The following PLCB1 variants were observed in gnomAD, a reference collection of about 807,000 sequenced individuals.
PLCB1 encodes the protein 1-phosphatidylinositol 4,5-bisphosphate phosphodiesterase beta-1.
A neutral mutation model predicts 161.8 loss-of-function variants in PLCB1; 46 were observed. The ratio of observed to expected loss-of-function variants is 0.28; its 90% CI spans 0.22 to 0.36. The LOEUF (loss-of-function observed/expected upper bound fraction) is 0.36, where lower values mean the gene tolerates loss of function less well. PLCB1 is among the 10% of genes least tolerant of loss of function. PLCB1 has a pLI of 1.00. For synonymous variants in PLCB1, 517 were observed against 503.7 expected (o/e 1.03, Z -0.35); for missense variants, 1,016 against 1,472.5 (o/e 0.69, Z 5.07).
At chr20:8,718,087 G>A (rs867917165) in intron 14 of PLCB1, among the ~76,000 whole-genome samples, 9 of 151,994 alleles carry the variant, frequency 5.9e-5, no homozygotes, top group Admixed American at 3.3e-4. Flanking sequence ...GGGCATAGTG[G>A]CACGTACCTG....
chr20:8,591,482 A>C (rs569104800), intron 3 of PLCB1, among the ~76,000 whole-genome samples: 2 of 152,240 alleles, frequency 1.3e-5, no homozygotes, highest in Non-Finnish European at 2.9e-5. Flanking sequence ...TAAGATTCCA[A>C]TTTAGAAGCT....
At chr20:8,176,483 G>A (rs2051785166) in intron 2 of PLCB1, among the ~76,000 whole-genome samples, 1 of 152,186 alleles carries the variant, frequency 6.6e-6, no homozygotes, top group African/African-American at 2.4e-5. Context: ...TTAGGCACAG[G>A]CGTAGGCAGG....
intron 3 of PLCB1, among the ~76,000 whole-genome samples, chr20:8,525,256 CA>C (rs11087804): frequency 0.56 from 81,750 of 146,728 alleles, 23,414 homozygotes; most frequent in African/African-American, 0.72. Flanking sequence ...TATATATAGC[CA>C]AAAAAAAAAA....
intron 3 of PLCB1, among the ~76,000 whole-genome samples, chr20:8,381,751 C>A (rs1279003249): frequency 1.3e-5 from 2 of 152,192 alleles, no homozygotes; most frequent in African/African-American, 4.8e-5. Flanking sequence ...ATAGTATTCT[C>A]TGATGGTAGT....
chr20:8,202,526 T>G (rs1402552695), intron 2 of PLCB1, among the ~76,000 whole-genome samples: 1 of 152,274 alleles, frequency 6.6e-6, no homozygotes, highest in Non-Finnish European at 1.5e-5. Context: ...TATCTATCTT[T>G]CTGTGGATAT....
chr20:8,373,576 G>T (rs898725331), intron 3 of PLCB1, among the ~76,000 whole-genome samples: 3 of 152,168 alleles, frequency 2.0e-5, no homozygotes, highest in East Asian at 3.9e-4. Context: ...TACAGGTGTG[G>T]TGTGGGCATG....
At chr20:8,854,233 G>A (rs1452334710) in intron 31 of PLCB1, among the ~76,000 whole-genome samples, 1 of 152,140 alleles carries the variant, frequency 6.6e-6, no homozygotes, top group Non-Finnish European at 1.5e-5. Context: ...CCAACAGGGT[G>A]GGACTAGATC....
At chr20:8,871,909 T>G (rs1033161370) in intron 31 of PLCB1, among the ~76,000 whole-genome samples, 1 of 152,218 alleles carries the variant, frequency 6.6e-6, no homozygotes, top group Non-Finnish European at 1.5e-5. Context: ...TTTAAACCTT[T>G]TAACAGCCCA....
intron 25 of PLCB1, among the ~76,000 whole-genome samples, chr20:8,761,010 C>T (rs889973684): frequency 2.0e-5 from 3 of 152,156 alleles, no homozygotes; most frequent in Admixed American, 1.3e-4. Flanking sequence ...TGTACACACA[C>T]GTTCACCAAA....
rs58272607 is a variant in PLCB1, at chr20:8,473,534, C to T, written c.246+102084C>T. 8.0e-3 allele frequency among the ~76,000 whole-genome samples: 1,220 copies of T among 152,246 alleles called. 20 individuals carry two copies. Among genetic ancestry groups the T allele is most frequent in the African/African-American group, 0.027 (1,136 of 41,552 alleles). Reference sequence around the variant, plus strand: ...TTAAACTGAGTAGCAAAGCATCACACATAGCAAGAAAATTGATTTTGACAA... The same window carrying T: ...TTAAACTGAGTAGCAAAGCATCACATATAGCAAGAAAATTGATTTTGACAA... On this transcript the variant is annotated intron_variant, in intron 3 of 31. Coordinates refer to ENST00000338037, the MANE Select transcript of PLCB1 (RefSeq NM_015192.4).
At chr20:8,453,105 T>C (rs1215664111) in intron 3 of PLCB1, among the ~76,000 whole-genome samples, 2 of 152,230 alleles carry the variant, frequency 1.3e-5, no homozygotes, top group Non-Finnish European at 1.5e-5. Context: ...AACTTTGGAA[T>C]TGTAACTTTG....
At chr20:8,819,766 A>AACAGTTT (rs1985248816) in intron 31 of PLCB1, among the ~76,000 whole-genome samples, 1 of 152,164 alleles carries the variant, frequency 6.6e-6, no homozygotes, top group East Asian at 1.9e-4. Context: ...TACTTCCACC[A>AACAGTTT]ACAGTTTACA....
chr20:8,749,394 T>C (rs1981338120), intron 23 of PLCB1, among the ~76,000 whole-genome samples: 1 of 152,184 alleles, frequency 6.6e-6, no homozygotes, highest in Non-Finnish European at 1.5e-5. Flanking sequence ...TGGGAAGGGC[T>C]CCAGGAGACA....
At chr20:8,722,535 A>G in intron 15 of PLCB1, 114 bp downstream of exon 15, 1 of 594,512 alleles carries the variant, frequency 1.7e-6, no homozygotes, top group South Asian at 3.9e-5. Flanking sequence ...TGTGCCTTCC[A>G]ATTGCCAGCT....
chr20:8,156,972 A>G (rs1353035913), intron 2 of PLCB1, among the ~76,000 whole-genome samples: 1 of 152,158 alleles, frequency 6.6e-6, no homozygotes, highest in Non-Finnish European at 1.5e-5. Context: ...TTATTTATGT[A>G]TATCTTTTTA....
intron 3 of PLCB1, among the ~76,000 whole-genome samples, chr20:8,439,398 A>G (rs1412100839): frequency 2.0e-5 from 3 of 152,092 alleles, no homozygotes; most frequent in Non-Finnish European, 4.4e-5. Flanking sequence ...GGCAGGATGT[A>G]TTTTTTCCTA....
At chr20:8,578,104 C>T (rs1039385194) in intron 3 of PLCB1, among the ~76,000 whole-genome samples, 2 of 152,200 alleles carry the variant, frequency 1.3e-5, no homozygotes, top group African/African-American at 4.8e-5. Flanking sequence ...TTGGTATACT[C>T]ATTCCTTTGT....
At chr20:8,498,947 G>A (rs1983291844) in intron 3 of PLCB1, among the ~76,000 whole-genome samples, 1 of 152,134 alleles carries the variant, frequency 6.6e-6, no homozygotes, top group Non-Finnish European at 1.5e-5. Flanking sequence ...TAAAGCAGAC[G>A]TTCTGGCCTT....
chr20:8,791,317 G>GCCAACCTT (rs759574577), intron 31 of PLCB1, among the ~76,000 whole-genome samples: 37 of 151,656 alleles, frequency 2.4e-4, no homozygotes, highest in Non-Finnish European at 4.9e-4. Context: ...CACCCTCTCA[G>GCCAACCTT]GTTGATTATG....
Sources: gnomAD v4.1 joint callset for allele counts (sites outside exome capture counted in the v4.1 genomes callset) on GRCh38, gnomAD v4.1.1 for gene constraint, MANE v1.5 for transcripts, NCBI Gene and HGNC (gene_info 2026-07-23, HGNC 2026-07-21) for gene names.